Variants in AHI1 observed in about 807,000 individuals in gnomAD.
AHI1 encodes Abelson helper integration site 1.
Under a neutral mutation model 149.3 loss-of-function variants are expected in AHI1, and 123 were observed. The observed-to-expected ratio is 0.82, with a 90% CI of 0.71 to 0.96. The LOEUF is 0.96. Ranked by LOEUF, AHI1 falls within the 40% of genes least tolerant of loss-of-function variation. The pLI is 0.00. For missense variants in AHI1, 1,439 were observed against 1,422.7 expected (o/e 1.01, Z -0.18); for synonymous variants, 475 against 459.8 (o/e 1.03, Z -0.42).
At chr6:135,308,609 T>C (rs1784799335) in intron 26 of AHI1, among the ~76,000 whole-genome samples, 1 of 152,234 alleles carries the variant, frequency 6.6e-6, no homozygotes, top group African/African-American at 2.4e-5. Flanking sequence ...TGAGAATTTA[T>C]AGTATTCTCT....
At chr6:135,347,222 A>T (rs1037294804) in intron 24 of AHI1, among the ~76,000 whole-genome samples, 1 of 152,228 alleles carries the variant, frequency 6.6e-6, no homozygotes, top group Non-Finnish European at 1.5e-5. Flanking sequence ...AACCTTCATT[A>T]TCACATTCCC....
chr6:135,494,195 T>C (rs1795654831), intron 3 of AHI1, among the ~76,000 whole-genome samples: 1 of 152,246 alleles, frequency 6.6e-6, no homozygotes, highest in African/African-American at 2.4e-5. Context: ...TTAGTTTCCA[T>C]AGTCACTTGC....
In AHI1 at chr6:135,284,725, A is replaced by G. The variant is rs1421533644; in HGVS notation, c.*920T>C. On this transcript the variant is annotated 3_prime_UTR_variant, in exon 29 of 29. Transcript: ENST00000265602. ...TAAAGACATTGGGAACATTGTTGCC[A>G]GTCCAGCCAAAAATCACTTTTAATT... The G allele has an allele frequency of 6.6e-6, 1 of 152,116 alleles. No individual in the cohort carries two copies. The highest frequency in any genetic ancestry group is 1.5e-5 in the Non-Finnish European group (1 of 68,008). 9.4% of individuals were successfully genotyped at this position (152,116 alleles called of 1,614,324 possible).
At chr6:135,400,578 A>G (rs1779886587) in intron 22 of AHI1, among the ~76,000 whole-genome samples, 1 of 152,218 alleles carries the variant, frequency 6.6e-6, no homozygotes, top group African/African-American at 2.4e-5. Context: ...AAGAGACAGA[A>G]AAAGAGAGTG....
At chr6:135,399,481 C>G (rs1295673428) in intron 22 of AHI1, among the ~76,000 whole-genome samples, 6 of 152,108 alleles carry the variant, frequency 3.9e-5, no homozygotes, top group African/African-American at 1.4e-4. Flanking sequence ...TCAGCAGATT[C>G]ACTTAGGCCT....
At chr6:135,387,102 CA>C (rs1482420737) in intron 23 of AHI1, among the ~76,000 whole-genome samples, 4 of 152,036 alleles carry the variant, frequency 2.6e-5, no homozygotes, top group Admixed American at 2.6e-4. Context: ...AAGCTGGTCT[CA>C]AACTCCTGAG....
intron 24 of AHI1, among the ~76,000 whole-genome samples, chr6:135,338,715 T>A (rs1025558518): frequency 4.6e-5 from 7 of 152,218 alleles, no homozygotes; most frequent in African/African-American, 1.7e-4. Context: ...ATTTTAATTT[T>A]CTCTATTCTT....
At chr6:135,421,880 T>C (rs947071146) in intron 20 of AHI1, among the ~76,000 whole-genome samples, 1 of 152,176 alleles carries the variant, frequency 6.6e-6, no homozygotes, top group African/African-American at 2.4e-5. Flanking sequence ...TTTTAATTTC[T>C]CCTACCAGGC....
At chr6:135,484,670 C>A (rs534622719) in intron 5 of AHI1, among the ~76,000 whole-genome samples, 1 of 151,096 alleles carries the variant, frequency 6.6e-6, no homozygotes, top group East Asian at 1.9e-4. Context: ...TAAGTATTAG[C>A]AATTATTATC....
intron 26 of AHI1, chr6:135,305,175 TC>T (rs1477258127): frequency 6.6e-6 from 1 of 152,142 alleles, no homozygotes; most frequent in Non-Finnish European, 1.5e-5. Flanking sequence ...TTCGTTCCCT[TC>T]AATTCACTCT....
At chr6:135,313,946 A>G (rs971810060) in intron 26 of AHI1, among the ~76,000 whole-genome samples, 8 of 152,198 alleles carry the variant, frequency 5.3e-5, no homozygotes, top group African/African-American at 1.9e-4. Flanking sequence ...AAAATCACAA[A>G]GAGTAAAGAC....
intron 23 of AHI1, among the ~76,000 whole-genome samples, chr6:135,389,376 C>T (rs1778132759): frequency 6.6e-6 from 1 of 151,354 alleles, no homozygotes; most frequent in Non-Finnish European, 1.5e-5. Flanking sequence ...CAAGAGTTAG[C>T]TTGACAGATC....
At chr6:135,443,274 GT>G (rs1786612088) in intron 13 of AHI1, among the ~76,000 whole-genome samples, 1 of 151,988 alleles carries the variant, frequency 6.6e-6, no homozygotes, top group Admixed American at 6.6e-5. Flanking sequence ...AAATTTTAAT[GT>G]TTTCACCCTC....
At chr6:135,426,738 T>C (rs1202711233) in intron 20 of AHI1, among the ~76,000 whole-genome samples, 2 of 151,684 alleles carry the variant, frequency 1.3e-5, no homozygotes, top group African/African-American at 2.4e-5. Context: ...AATGATAGAA[T>C]AGTGTAATTG....
intron 14 of AHI1, 48 bp downstream of exon 14, chr6:135,442,534 C>T (rs1381849798): frequency 5.2e-6 from 8 of 1,528,846 alleles, no homozygotes; most frequent in East Asian, 2.3e-5. Flanking sequence ...TAAAGAATGT[C>T]CTCCACGTGG....
At chr6:135,385,584 TA>T (rs1777463258) in intron 23 of AHI1, among the ~76,000 whole-genome samples, 1 of 152,196 alleles carries the variant, frequency 6.6e-6, no homozygotes, top group African/African-American at 2.4e-5. Context: ...GGAAAACGAT[TA>T]GAAACATCTG....
intron 5 of AHI1, among the ~76,000 whole-genome samples, chr6:135,486,662 CAT>C (rs995384140): frequency 6.6e-6 from 1 of 152,108 alleles, no homozygotes; most frequent in African/African-American, 2.4e-5. Context: ...GGAAGAAAAA[CAT>C]AGACAACTGT....
At chr6:135,421,029 G>C (rs1783074035) in intron 20 of AHI1, among the ~76,000 whole-genome samples, 2 of 152,134 alleles carry the variant, frequency 1.3e-5, no homozygotes, top group Non-Finnish European at 2.9e-5. Context: ...CTGTGTCTCA[G>C]AGAATAGGGA....
At chr6:135,467,500 C>A in intron 6 of AHI1, 81 bp downstream of exon 6, 2 of 1,119,590 alleles carry the variant, frequency 1.8e-6, no homozygotes, top group Non-Finnish European at 2.7e-6. Flanking sequence ...GGACAAAAAC[C>A]ATTGCTGACT....
Sources: gnomAD v4.1 joint callset for allele counts (sites outside exome capture counted in the v4.1 genomes callset) on GRCh38, gnomAD v4.1.1 for gene constraint, MANE v1.5 for transcripts, NCBI Gene and HGNC (gene_info 2026-07-23, HGNC 2026-07-21) for gene names.